Variants in PARD3B observed in about 807,000 individuals in gnomAD.
PARD3B encodes the protein partitioning defective 3 homolog B.
Under a neutral mutation model 130.2 loss-of-function variants are expected in PARD3B, and 103 were observed. The observed-to-expected ratio is 0.79, with a 90% CI of 0.67 to 0.93. PARD3B has a LOEUF of 0.93. Among genes scored for constraint, PARD3B ranks in the 40% least tolerant of loss-of-function variants. The probability of loss-of-function intolerance (pLI) is 0.00; values close to 1 mark genes in which losing one functional copy is unlikely to be tolerated. For synonymous variants in PARD3B, 583 were observed against 553.2 expected (o/e 1.05, Z -0.76); for missense variants, 1,609 against 1,499.2 (o/e 1.07, Z -1.21).
chr2:205,354,820 G>C (rs965230661), intron 18 of PARD3B, among the ~76,000 whole-genome samples: 1 of 152,148 alleles, frequency 6.6e-6, no homozygotes, highest in East Asian at 1.9e-4. Flanking sequence ...AAGTTGAAAT[G>C]GGGAGGGAGG....
chr2:204,763,089 G>T (rs558212350), intron 2 of PARD3B, among the ~76,000 whole-genome samples: 4 of 152,170 alleles, frequency 2.6e-5, no homozygotes, highest in African/African-American at 9.6e-5. Context: ...TGACAATTAG[G>T]TTCCCTCTAT....
Position 205,532,133 on chromosome 2 carries a change from A to G in PARD3B, c.3181-21191A>G, listed in dbSNP as rs556827637. ...ATCATGCCTTGGCATTCGAACATGGATAATTTATACAAAATTAATGTTGAC... is the reference window on the plus strand; with the variant it reads ...ATCATGCCTTGGCATTCGAACATGGGTAATTTATACAAAATTAATGTTGAC... On this transcript the variant is annotated intron_variant, in intron 21 of 22. Coordinates refer to ENST00000406610, the MANE Select transcript of PARD3B (RefSeq NM_001302769.2). 2.0e-5 allele frequency among the ~76,000 whole-genome samples: 3 copies of G among 152,336 alleles called. No individual in the cohort carries two copies. In the South Asian group the frequency reaches 6.2e-4, roughly 32 times the overall value.
intron 2 of PARD3B, among the ~76,000 whole-genome samples, chr2:204,919,984 G>C (rs10199907): frequency 0.44 from 66,073 of 151,672 alleles, 16,128 homozygotes; most frequent in African/African-American, 0.65. Context: ...CTCTTGCAGA[G>C]TCTGCCCTTT....
intron 3 of PARD3B, among the ~76,000 whole-genome samples, chr2:205,020,531 T>C (rs1046630953): frequency 2.0e-5 from 3 of 152,062 alleles, no homozygotes; most frequent in Non-Finnish European, 2.9e-5. Flanking sequence ...CTCACTGGCT[T>C]TGGGAAAAAA....
At chr2:205,488,984 A>G (rs1219048455) in intron 20 of PARD3B, among the ~76,000 whole-genome samples, 4 of 152,192 alleles carry the variant, frequency 2.6e-5, no homozygotes, top group Non-Finnish European at 5.9e-5. Flanking sequence ...TTTTAACAGA[A>G]GACACAATGG....
At chr2:204,894,839 A>T (rs1395338385) in intron 2 of PARD3B, among the ~76,000 whole-genome samples, 6 of 152,120 alleles carry the variant, frequency 3.9e-5, no homozygotes, top group Admixed American at 3.9e-4. Context: ...AAGGTAATAT[A>T]AATAGTGCCT....
At chr2:205,551,890 C>G (rs1029898884) in intron 21 of PARD3B, among the ~76,000 whole-genome samples, 4 of 152,124 alleles carry the variant, frequency 2.6e-5, no homozygotes, top group Non-Finnish European at 4.4e-5. Context: ...CCTGATAGTC[C>G]AAGTTTTCTA....
intron 2 of PARD3B, among the ~76,000 whole-genome samples, chr2:204,951,694 G>A (rs191204228): frequency 9.2e-5 from 14 of 152,278 alleles, no homozygotes; most frequent in African/African-American, 3.1e-4. Flanking sequence ...ATGAGAGTGG[G>A]ATTGTCAGAG....
chr2:205,280,851 G>A lies in PARD3B; in HGVS notation c.2186-19679G>A, dbSNP rs561703495. ...AGTATTTTATGTTCTTTTAATTCAG[G>A]GCCAAGTGGATTTGGATGAAGTGTT... On this transcript the variant is annotated intron_variant, in intron 16 of 22. Coordinates refer to ENST00000406610, the MANE Select transcript of PARD3B (RefSeq NM_001302769.2). The surrounding 1 kb of genome is among the most constrained non-coding windows in gnomAD (Gnocchi z 4.7). Among the ~76,000 whole-genome samples the A allele has an allele frequency of 6.6e-6, 1 of 152,240 alleles. No homozygotes were observed. Among genetic ancestry groups the A allele is most frequent in the Non-Finnish European group, 1.5e-5 (1 of 68,030 alleles).
At chr2:205,223,494 T>G (rs576762932) in intron 15 of PARD3B, among the ~76,000 whole-genome samples, 1 of 152,312 alleles carries the variant, frequency 6.6e-6, no homozygotes, top group South Asian at 2.1e-4. Context: ...GACGGCTGAC[T>G]GGCTGTGACT....
Position 205,301,440 on chromosome 2 carries a change from A to G in PARD3B, c.2393-24A>G. 2 of 1,586,802 alleles carry G rather than the reference A, an allele frequency of 1.3e-6. No individual in the cohort carries two copies. Among genetic ancestry groups the G allele is most frequent in the Non-Finnish European group, 1.7e-6 (2 of 1,170,552 alleles). On this transcript the variant is annotated intron_variant, in intron 17 of 22. Transcript: ENST00000406610. The surrounding 1 kb of genome is among the most constrained non-coding windows in gnomAD (Gnocchi z 5.2). The stretch of plus-strand genomic sequence containing the variant: ...ACTGAGTGTGCCCCTGACCATGGGT[A>G]TTGATTATTTTTTCTCTGTACAGAC...
chr2:205,114,035 G>A (rs1703845199), intron 6 of PARD3B, among the ~76,000 whole-genome samples: 1 of 152,070 alleles, frequency 6.6e-6, no homozygotes, highest in Non-Finnish European at 1.5e-5. Flanking sequence ...TATATCTGAT[G>A]CTGTGTATGT....
Position 204,887,652 on chromosome 2 carries a change from C to G in PARD3B, c.223-77500C>G, listed in dbSNP as rs2046308897. 6.6e-6 allele frequency among the ~76,000 whole-genome samples: 1 copy of G among 152,074 alleles called. No homozygotes were observed. The highest frequency in any genetic ancestry group is 2.1e-4 in the South Asian group (1 of 4,828). On this transcript the variant is annotated intron_variant, in intron 2 of 22. Transcript: ENST00000406610. The surrounding 1 kb of genome is among the most constrained non-coding windows in gnomAD (Gnocchi z 4.2). ...CTTTGATTTAACAGTATTAACAGAG[C>G]ACTATTCTATATGCAGCGCCATTTC...
intron 2 of PARD3B, among the ~76,000 whole-genome samples, chr2:204,895,845 G>A (rs2046622814): frequency 6.6e-6 from 1 of 152,100 alleles, no homozygotes; most frequent in Non-Finnish European, 1.5e-5. Context: ...ATACTTAAAA[G>A]AAATAGTTTT....
intron 3 of PARD3B, among the ~76,000 whole-genome samples, chr2:204,973,650 G>A (rs1368877997): frequency 6.6e-6 from 1 of 151,524 alleles, no homozygotes; most frequent in Middle Eastern, 3.2e-3. Flanking sequence ...AGTTGGACAC[G>A]CTTTCGTGAC....
At chr2:204,874,672 C>T (rs1220919736) in intron 2 of PARD3B, among the ~76,000 whole-genome samples, 1 of 152,052 alleles carries the variant, frequency 6.6e-6, no homozygotes. Flanking sequence ...ACATGTGTCA[C>T]CACCACTCCA....
In PARD3B at chr2:205,530,032, A is replaced by C. The variant is rs1358602542; in HGVS notation, c.3181-23292A>C. Among the ~76,000 whole-genome samples the C allele has an allele frequency of 6.6e-6, 1 of 152,198 alleles. No individual in the cohort carries two copies. Among genetic ancestry groups the C allele is most frequent in the Non-Finnish European group, 1.5e-5 (1 of 68,034 alleles). On this transcript the variant is annotated intron_variant, in intron 21 of 22. Coordinates refer to ENST00000406610, the MANE Select transcript of PARD3B (RefSeq NM_001302769.2). This position sits in a 1 kb window ranked among gnomAD's most constrained non-coding sequence, Gnocchi z 4.7. ...CCACCTTGGTATAGGCAGGCAAAGA[A>C]AGGTGCCACCCAACAATGCTGTGAA...
intron 15 of PARD3B, among the ~76,000 whole-genome samples, chr2:205,233,949 G>A (rs2125899470): frequency 6.6e-6 from 1 of 152,242 alleles, no homozygotes; most frequent in South Asian, 2.1e-4. Context: ...TGAACTGTCT[G>A]TAAGTCTATA....
At chr2:205,032,832 A>C (rs571944452) in intron 3 of PARD3B, among the ~76,000 whole-genome samples, 1 of 152,294 alleles carries the variant, frequency 6.6e-6, no homozygotes, top group Non-Finnish European at 1.5e-5. Flanking sequence ...ATCCAATAAA[A>C]GGTAATGATC....
Sources: allele counts gnomAD v4.1 joint callset (sites outside exome capture counted in the v4.1 genomes callset), GRCh38; gene constraint gnomAD v4.1.1; non-coding constraint Gnocchi (gnomAD v3.1); transcripts MANE v1.5; gene names NCBI Gene and HGNC (gene_info 2026-07-23, HGNC 2026-07-21).